The following DYNC1I1 variants were observed in gnomAD, a reference collection of about 807,000 sequenced individuals.
The protein encoded by DYNC1I1 is dynein cytoplasmic 1 intermediate chain 1, also known as cytoplasmic dynein 1 intermediate chain 1.
In DYNC1I1, 43 loss-of-function variants were observed where a neutral mutation model predicts 86.6. The observed-to-expected ratio is 0.50, with a 90% CI of 0.39 to 0.64. The LOEUF is 0.64. Among genes scored for constraint, DYNC1I1 ranks in the 30% least tolerant of loss-of-function variants. The pLI is 0.00. For synonymous variants in DYNC1I1, 262 were observed against 283.7 expected (o/e 0.92, Z 0.77); for missense variants, 604 against 788.8 (o/e 0.77, Z 2.81).
chr7:96,070,707 A>G (rs1357461487), intron 14 of DYNC1I1, among the ~76,000 whole-genome samples: 5 of 152,238 alleles, frequency 3.3e-5, no homozygotes, highest in African/African-American at 1.2e-4. Flanking sequence ...GAGAACCACA[A>G]CATTTTTAGG....
At chr7:95,915,881 C>A (rs567094933) in intron 6 of DYNC1I1, among the ~76,000 whole-genome samples, 1 of 152,326 alleles carries the variant, frequency 6.6e-6, no homozygotes, top group East Asian at 1.9e-4. Flanking sequence ...CCCATTGCAG[C>A]TCACAGGCAG....
At chr7:96,057,466 A>G (rs1389601478) in intron 14 of DYNC1I1, among the ~76,000 whole-genome samples, 1 of 152,170 alleles carries the variant, frequency 6.6e-6, no homozygotes, top group Non-Finnish European at 1.5e-5. Context: ...AAAATGGTTT[A>G]ATATTTTGAA....
intron 6 of DYNC1I1, among the ~76,000 whole-genome samples, chr7:95,934,413 A>G (rs1791983929): frequency 6.6e-6 from 1 of 152,216 alleles, no homozygotes; most frequent in Non-Finnish European, 1.5e-5. Context: ...TTAGTAATTC[A>G]AGTAATTCTT....
intron 11 of DYNC1I1, among the ~76,000 whole-genome samples, chr7:96,032,109 G>GTACCT (rs1226439783): frequency 1.3e-5 from 2 of 152,056 alleles, no homozygotes; most frequent in African/African-American, 2.4e-5. Flanking sequence ...ATCTCACCAG[G>GTACCT]TACATTGTGC....
chr7:96,052,532 G>T (rs568025788), intron 14 of DYNC1I1, among the ~76,000 whole-genome samples: 1 of 152,156 alleles, frequency 6.6e-6, no homozygotes, highest in East Asian at 1.9e-4. Context: ...TGAAGTTCTT[G>T]TGAAGATTAA....
chr7:95,998,319 C>T (rs1793922388), intron 10 of DYNC1I1, among the ~76,000 whole-genome samples: 1 of 152,232 alleles, frequency 6.6e-6, no homozygotes, highest in South Asian at 2.1e-4. Flanking sequence ...GACTTGATAG[C>T]AAAGGCTGTA....
intron 1 of DYNC1I1, among the ~76,000 whole-genome samples, chr7:95,774,938 T>C (rs1378841439): frequency 1.3e-5 from 2 of 152,160 alleles, no homozygotes; most frequent in Non-Finnish European, 2.9e-5. Flanking sequence ...ATGCATCTGT[T>C]TCAAAATCTG....
chr7:95,874,089 T>C (rs1790242073), intron 6 of DYNC1I1, among the ~76,000 whole-genome samples: 1 of 152,238 alleles, frequency 6.6e-6, no homozygotes, highest in Non-Finnish European at 1.5e-5. Flanking sequence ...CTCATCCTAG[T>C]GTCTTTAAAT....
chr7:95,782,417 T>C (rs565341186), intron 1 of DYNC1I1, among the ~76,000 whole-genome samples: 2 of 152,330 alleles, frequency 1.3e-5, no homozygotes, highest in African/African-American at 4.8e-5. Context: ...TACAAGTTAA[T>C]TGGGAGAGTT....
chr7:95,880,359 A>AC (rs1194337678), intron 6 of DYNC1I1, among the ~76,000 whole-genome samples: 1 of 151,206 alleles, frequency 6.6e-6, no homozygotes, highest in Non-Finnish European at 1.5e-5. Context: ...TGCATACTCC[A>AC]CCCCCAGAGG....
At chr7:96,066,275 A>G (rs558431236) in intron 14 of DYNC1I1, among the ~76,000 whole-genome samples, 54 of 152,302 alleles carry the variant, frequency 3.5e-4, no homozygotes, top group African/African-American at 1.3e-3. Flanking sequence ...CTTTCAAGGC[A>G]GGTTCCCTCA....
intron 16 of DYNC1I1, among the ~76,000 whole-genome samples, chr7:96,105,295 T>G (rs1791199197): frequency 6.6e-6 from 1 of 152,004 alleles, no homozygotes; most frequent in Non-Finnish European, 1.5e-5. Flanking sequence ...TCCAATCTTA[T>G]CTTTTTTCCT....
chr7:95,884,999 A>T (rs1790556978), intron 6 of DYNC1I1, among the ~76,000 whole-genome samples: 1 of 152,206 alleles, frequency 6.6e-6, no homozygotes, highest in Non-Finnish European at 1.5e-5. Context: ...ATTTTAACTT[A>T]AAAATTACCA....
chr7:95,818,721 CAAAAT>C, intron 4 of DYNC1I1: 1 of 426,022 alleles, frequency 2.3e-6, no homozygotes, highest in Admixed American at 3.9e-5. Flanking sequence ...GCAAAAATAA[CAAAAT>C]AAAAACATCA....
chr7:96,042,320 C>T (rs1272533154), intron 14 of DYNC1I1, among the ~76,000 whole-genome samples: 3 of 152,080 alleles, frequency 2.0e-5, no homozygotes, highest in East Asian at 3.9e-4. Flanking sequence ...ACTAAGAACT[C>T]ATGGTGTGTA....
At chr7:95,972,629 T>A (rs1450220213) in intron 6 of DYNC1I1, among the ~76,000 whole-genome samples, 1 of 152,142 alleles carries the variant, frequency 6.6e-6, no homozygotes, top group African/African-American at 2.4e-5. Context: ...TCCACTGCAC[T>A]CCCCTTCAAA....
At chr7:96,008,526 C>G (rs1794196885) in intron 10 of DYNC1I1, among the ~76,000 whole-genome samples, 1 of 152,142 alleles carries the variant, frequency 6.6e-6, no homozygotes, top group African/African-American at 2.4e-5. Context: ...CGTACTTCAT[C>G]TCAAAGAATT....
chr7:95,910,203 G>C (rs56144109), intron 6 of DYNC1I1, among the ~76,000 whole-genome samples: 71 of 152,246 alleles, frequency 4.7e-4, no homozygotes, highest in Admixed American at 9.8e-4. Context: ...CCTAAGGCCT[G>C]TGAATTATTT....
intron 6 of DYNC1I1, among the ~76,000 whole-genome samples, chr7:95,917,003 A>G (rs555069177): frequency 8.2e-4 from 125 of 152,330 alleles, no homozygotes; most frequent in African/African-American, 2.9e-3. Flanking sequence ...ACCCACAGTA[A>G]GGATGAGTAT....
Sources: allele counts gnomAD v4.1 joint callset (sites outside exome capture counted in the v4.1 genomes callset), GRCh38; gene constraint gnomAD v4.1.1; transcripts MANE v1.5; gene names NCBI Gene and HGNC (gene_info 2026-07-23, HGNC 2026-07-21).